SOS1: variants seen among roughly 807,000 people sequenced by gnomAD.
SOS1 encodes the protein son of sevenless homolog 1.
A neutral mutation model predicts 157.6 loss-of-function variants in SOS1; 25 were observed. That is an observed-to-expected ratio of 0.16 (90% CI 0.12 to 0.22). SOS1 has a LOEUF of 0.22. Among genes scored for constraint, SOS1 ranks in the 10% least tolerant of loss-of-function variants. The pLI is 1.00. For synonymous variants in SOS1, 528 were observed against 534.0 expected (o/e 0.99, Z 0.16); for missense variants, 1,237 against 1,599.1 (o/e 0.77, Z 3.86).
At chr2:39,062,988 T>C (rs1671462283) in intron 2 of SOS1, among the ~76,000 whole-genome samples, 1 of 152,204 alleles carries the variant, frequency 6.6e-6, no homozygotes, top group African/African-American at 2.4e-5. Flanking sequence ...AGCATTAAAA[T>C]ATATATAATA....
In SOS1 at chr2:39,075,742, G is replaced by A. The variant is rs369276399; in HGVS notation, c.88-7989C>T. 4.6e-5 allele frequency among the ~76,000 whole-genome samples: 7 copies of A among 151,878 alleles called. No homozygotes were observed. In the East Asian group the frequency reaches 9.7e-4, roughly 21 times the overall value. On this transcript the variant is annotated intron_variant, in intron 1 of 22. Coordinates refer to ENST00000402219, the MANE Select transcript of SOS1 (RefSeq NM_005633.4). ...CTAAAAGATCAAGAAAAAAGAGAAG[G>A]CACAAATACTACTGTATTATACACA...
chr2:39,064,879 T>C (rs1032640265), intron 2 of SOS1, among the ~76,000 whole-genome samples: 11 of 148,368 alleles, frequency 7.4e-5, no homozygotes, highest in Non-Finnish European at 4.4e-5. Context: ...TCCCAAGGAG[T>C]TGGGATTACA....
At chr2:39,014,070 G>A in intron 11 of SOS1, 81 bp from the exon 12 acceptor site, 8 of 1,065,414 alleles carry the variant, frequency 7.5e-6, no homozygotes, top group Non-Finnish European at 1.1e-5. Context: ...GTTTTCACCA[G>A]TCAGCAAAAT....
chr2:39,014,144 T>C (rs909057553), intron 11 of SOS1, among the ~76,000 whole-genome samples, 155 bp from the exon 12 acceptor site: 1 of 152,146 alleles, frequency 6.6e-6, no homozygotes, highest in South Asian at 2.1e-4. Context: ...GAGACTCCTA[T>C]AGTATTAAAG....
intron 1 of SOS1, among the ~76,000 whole-genome samples, chr2:39,116,017 AT>A (rs1190947369): frequency 6.6e-6 from 1 of 152,134 alleles, no homozygotes; most frequent in Non-Finnish European, 1.5e-5. Context: ...CGAACATTGG[AT>A]TGTTTCCAGT....
chr2:39,118,899 T>C (rs750728728), intron 1 of SOS1, among the ~76,000 whole-genome samples: 1 of 152,238 alleles, frequency 6.6e-6, no homozygotes, highest in Non-Finnish European at 1.5e-5. Flanking sequence ...TTCTTTCCAC[T>C]GCTTCAAAGG....
In SOS1 at chr2:38,985,943, G is replaced by T; in HGVS notation, c.3883C>A (p.Arg1295=). ...GGGATATGTTGAGAAGTGCTTTGTCGTGGAGGAACAGGCGGCCCAGCAATG... is the reference window on the plus strand; with the variant it reads ...GGGATATGTTGAGAAGTGCTTTGTCTTGGAGGAACAGGCGGCCCAGCAATG... ...HSIAGPPVPP[R]QSTSQHIPKL... is the part of the protein sequence containing the mutation. Residue 1295 remains arginine (R), a synonymous_variant, in exon 23 of 23, where the codon CGA becomes AGA. Coordinates refer to ENST00000402219, the MANE Select transcript of SOS1 (RefSeq NM_005633.4). 1 of 1,613,980 alleles carries T rather than the reference G, an allele frequency of 6.2e-7. No homozygotes were observed. The highest frequency in any genetic ancestry group is 8.5e-7 in the Non-Finnish European group (1 of 1,179,904).
intron 17 of SOS1, among the ~76,000 whole-genome samples, chr2:39,002,600 G>T (rs1195314909): frequency 6.6e-6 from 1 of 152,206 alleles, no homozygotes; most frequent in Non-Finnish European, 1.5e-5. Context: ...CTGGTACTTA[G>T]TAGGTATTCA....
chr2:39,005,124 A>C (rs946074424), intron 17 of SOS1, among the ~76,000 whole-genome samples: 4 of 152,194 alleles, frequency 2.6e-5, no homozygotes, highest in Non-Finnish European at 5.9e-5. Flanking sequence ...ATATACACAT[A>C]CATACATACG....
At chr2:39,108,936 C>T (rs943883448) in intron 1 of SOS1, among the ~76,000 whole-genome samples, 1 of 151,132 alleles carries the variant, frequency 6.6e-6, no homozygotes, top group Non-Finnish European at 1.5e-5. Flanking sequence ...CAGTGGCTCA[C>T]ATATGTAATC....
chr2:39,061,249 T>TAAAAAAA (rs68086036), intron 2 of SOS1, among the ~76,000 whole-genome samples: 2 of 117,462 alleles, frequency 1.7e-5, no homozygotes, highest in Admixed American at 1.8e-4. Context: ...TTCGTAGGGT[T>TAAAAAAA]AAAAAAAAAA....
intron 8 of SOS1, among the ~76,000 whole-genome samples, chr2:39,032,033 CAT>C (rs1285924733): frequency 2.6e-5 from 4 of 152,064 alleles, no homozygotes; most frequent in South Asian, 2.1e-4. Context: ...AAGTAAAAAT[CAT>C]ATGTTTATGG....
At chr2:39,059,651 T>G (rs1671334229) in intron 2 of SOS1, among the ~76,000 whole-genome samples, 1 of 152,152 alleles carries the variant, frequency 6.6e-6, no homozygotes, top group Non-Finnish European at 1.5e-5. Flanking sequence ...ATCATAATTA[T>G]AAATCTGAAT....
intron 1 of SOS1, among the ~76,000 whole-genome samples, chr2:39,073,788 G>C (rs1671868507): frequency 6.6e-6 from 1 of 152,200 alleles, no homozygotes; most frequent in Non-Finnish European, 1.5e-5. Context: ...GTTGAATTCT[G>C]ATGAATCTTT....
At chr2:39,089,862 C>A (rs1258990908) in intron 1 of SOS1, among the ~76,000 whole-genome samples, 1 of 151,542 alleles carries the variant, frequency 6.6e-6, no homozygotes, top group African/African-American at 2.4e-5. Context: ...CACAGCGGCT[C>A]ACACCTGTAA....
chr2:39,101,654 A>G (rs1197527832), intron 1 of SOS1, among the ~76,000 whole-genome samples: 1 of 152,008 alleles, frequency 6.6e-6, no homozygotes, highest in Non-Finnish European at 1.5e-5. Context: ...TATACTTAAA[A>G]AAAAACAGAA....
intron 21 of SOS1, among the ~76,000 whole-genome samples, chr2:38,988,476 A>G (rs545654741): frequency 2.0e-5 from 3 of 152,176 alleles, no homozygotes; most frequent in Non-Finnish European, 4.4e-5. Context: ...CCATCATTCA[A>G]AATTATAGTT....
In SOS1 at chr2:39,035,330, A is replaced by G; in HGVS notation, c.976-20T>C. The G allele has an allele frequency of 6.2e-7, 1 of 1,607,778 alleles. No homozygotes were observed. The highest frequency in any genetic ancestry group is 8.5e-7 in the Non-Finnish European group (1 of 1,174,266). ...TATTGACTGGAAAAAAAAGTGATTT[A>G]ATTTTTTTTTTAAGTTTACTTTTCA... is the stretch of plus-strand genomic sequence containing the variant. On this transcript the variant is annotated intron_variant, in intron 7 of 22. Transcript: ENST00000402219.
At position 39,088,887 on chromosome 2, in the gene SOS1, A is replaced by G. The variant is rs1672476864; in HGVS notation, c.88-21134T>C. Among the ~76,000 whole-genome samples the G allele has an allele frequency of 2.0e-5, 3 of 152,086 alleles. 1 individual carries two copies. Among genetic ancestry groups the G allele is most frequent in the Admixed American group, 2.0e-4 (3 of 15,258 alleles). Reference sequence around the variant, plus strand: ...ATTTAGTTTTTTGATGAACTGCCATACTGTTTTTTACAGAAGCTATACCAT... The same window carrying G: ...ATTTAGTTTTTTGATGAACTGCCATGCTGTTTTTTACAGAAGCTATACCAT... On this transcript the variant is annotated intron_variant, in intron 1 of 22. Transcript: ENST00000402219.
Sources: allele counts gnomAD v4.1 joint callset (sites outside exome capture counted in the v4.1 genomes callset), GRCh38; gene constraint gnomAD v4.1.1; transcripts MANE v1.5; gene names NCBI Gene and HGNC (gene_info 2026-07-23, HGNC 2026-07-21).